ZC3H6: variants seen among roughly 807,000 people sequenced by gnomAD.
ZC3H6 encodes the protein zinc finger CCCH-type containing 6, also known as zinc finger CCCH domain-containing protein 6.
In ZC3H6, 40 loss-of-function variants were observed where a neutral mutation model predicts 107.7. The observed-to-expected ratio is 0.37, with a 90% CI of 0.29 to 0.48. The LOEUF (loss-of-function observed/expected upper bound fraction) is 0.48, where lower values mean the gene tolerates loss of function less well. ZC3H6 is among the 20% of genes least tolerant of loss of function. The pLI is 0.98. For synonymous variants in ZC3H6, 493 were observed against 487.9 expected, an observed-to-expected ratio of 1.01 and a Z score of -0.14; for missense variants, 1,267 against 1,410.4, an observed-to-expected ratio of 0.90 and a Z score of 1.63.
intron 5 of ZC3H6, among the ~76,000 whole-genome samples, chr2:112,315,957 T>C (rs1676688306): frequency 1.3e-5 from 2 of 152,202 alleles, no homozygotes; most frequent in African/African-American, 4.8e-5. Flanking sequence ...AAGTGTATCA[T>C]AATATATTTG....
In ZC3H6 at chr2:112,309,965, G is replaced by C. The variant is rs576103507; in HGVS notation, c.417G>C (p.Glu139Asp). 1.2e-5 allele frequency: 20 copies of C among 1,611,852 alleles called. No homozygotes were observed. The African/African-American group carries it at 2.1e-4, about 17-fold the overall frequency. ...NKKFKSKEYD[E>D]YSTYSDDNFG... is the part of the protein sequence containing the mutation. Reference sequence around the variant, plus strand: ...AATTTAAAAGTAAAGAATATGATGAGTACAGCACCTACAGTGATGACAACT... The same window carrying C: ...AATTTAAAAGTAAAGAATATGATGACTACAGCACCTACAGTGATGACAACT... Residue 139 changes from glutamate (E) to aspartate (D), a missense_variant, in exon 4 of 12, where the codon GAG (glutamate) becomes GAC (aspartate). Physicochemically the swap from Glu to Asp is conservative, Grantham distance 45. Around this residue, in one of 3 missense-constraint regions of ZC3H6, gnomAD observed 337 missense variants for 361.2 expected, o/e 0.93. Coordinates refer to ENST00000409871, the MANE Select transcript of ZC3H6 (RefSeq NM_198581.3).
chr2:112,287,953 T>C (rs1290589096), intron 1 of ZC3H6, among the ~76,000 whole-genome samples: 1 of 152,230 alleles, frequency 6.6e-6, no homozygotes, highest in Non-Finnish European at 1.5e-5. Context: ...TGGCATGCCT[T>C]TCTGTTTTAC....
At chr2:112,296,195 T>C (rs796555917) in intron 1 of ZC3H6, among the ~76,000 whole-genome samples, 1 of 152,176 alleles carries the variant, frequency 6.6e-6, no homozygotes, top group South Asian at 2.1e-4. Context: ...CCCCTTTTTT[T>C]GTCACTTGCA....
At position 112,322,771 on chromosome 2, in the gene ZC3H6, A is replaced by G. The variant is rs766256000; in HGVS notation, c.1209A>G (p.Pro403=). 1.9e-6 allele frequency: 3 copies of G among 1,613,940 alleles called. No homozygotes were observed. The highest frequency in any genetic ancestry group is 3.3e-5 in the Admixed American group (2 of 60,012). The change falls in exon 9 of 12, where the codon CCA becomes CCG. Residue 403 remains proline, a synonymous_variant. Transcript: ENST00000409871. ...PPGVGLLPTP[P]EHFPFSDPED... ...GGGTTGGGCTTCTGCCAACCCCTCC[A>G]GAGCATTTTCCCTTTTCTGATCCTG...
chr2:112,299,226 G>A lies in ZC3H6; in HGVS notation c.33-623G>A, dbSNP rs991996700. ...CGGGAGGCGGAGCTTGCAGTGAGCC[G>A]AGATGGTGCCACTGCACTCCAGCCT... On this transcript the variant is annotated intron_variant, in intron 1 of 11. Coordinates refer to ENST00000409871, the MANE Select transcript of ZC3H6 (RefSeq NM_198581.3). 3.3e-5 allele frequency among the ~76,000 whole-genome samples: 5 copies of A among 149,598 alleles called. No individual in the cohort carries two copies. In the East Asian group the frequency reaches 5.9e-4, roughly 18 times the overall value.
chr2:112,287,297 A>T (rs1394995455), intron 1 of ZC3H6, among the ~76,000 whole-genome samples: 1 of 152,168 alleles, frequency 6.6e-6, no homozygotes, highest in Non-Finnish European at 1.5e-5. Flanking sequence ...TCTAGCTTAG[A>T]TACCCAAGAG....
intron 3 of ZC3H6, among the ~76,000 whole-genome samples, chr2:112,304,708 A>G (rs2104708550): frequency 1.3e-5 from 2 of 152,306 alleles, no homozygotes; most frequent in Admixed American, 1.3e-4. Context: ...ACTAGGAAGT[A>G]TTTGGATCAG....
At chr2:112,321,111 A>G (rs1488576468) in intron 7 of ZC3H6, among the ~76,000 whole-genome samples, 3 of 152,048 alleles carry the variant, frequency 2.0e-5, no homozygotes, top group Admixed American at 1.3e-4. Context: ...CTGAACATAC[A>G]TCACCTGAGA....
intron 1 of ZC3H6, among the ~76,000 whole-genome samples, chr2:112,276,944 C>T (rs937102421): frequency 1.3e-5 from 2 of 152,132 alleles, no homozygotes; most frequent in African/African-American, 2.4e-5. Flanking sequence ...CACAATTACT[C>T]CTTTGTGAAT....
chr2:112,329,642 T>C (rs1018317211), intron 11 of ZC3H6, among the ~76,000 whole-genome samples: 3 of 152,228 alleles, frequency 2.0e-5, no homozygotes, highest in Non-Finnish European at 4.4e-5. Flanking sequence ...CCTGTAACAC[T>C]AAAGTTCCAT....
intron 1 of ZC3H6, among the ~76,000 whole-genome samples, chr2:112,298,636 C>T (rs1021747943): frequency 2.0e-5 from 3 of 152,180 alleles, no homozygotes; most frequent in Non-Finnish European, 2.9e-5. Context: ...GCCGAGTTAT[C>T]GGCAAGCAAT....
chr2:112,322,527 C>T (rs1383372419), intron 8 of ZC3H6, 122 bp from the exon 9 acceptor site: 1 of 1,112,766 alleles, frequency 9.0e-7, no homozygotes, highest in African/African-American at 1.6e-5. Context: ...AGGCGTGAGC[C>T]ACTGCGACCA....
intron 1 of ZC3H6, chr2:112,286,231 TC>T (rs1213615675): frequency 2.6e-6 from 1 of 389,874 alleles, no homozygotes; most frequent in East Asian, 6.8e-5. Context: ...CACTTGCTGA[TC>T]TTGCATAGGT....
intron 1 of ZC3H6, among the ~76,000 whole-genome samples, chr2:112,290,546 T>A (rs1676093149): frequency 6.6e-6 from 1 of 152,270 alleles, no homozygotes; most frequent in Non-Finnish European, 1.5e-5. Context: ...GTCCCAAGAT[T>A]AAAAACTTCA....
At chr2:112,302,361 A>G (rs1676395363) in intron 2 of ZC3H6, among the ~76,000 whole-genome samples, 1 of 152,182 alleles carries the variant, frequency 6.6e-6, no homozygotes, top group Non-Finnish European at 1.5e-5. Flanking sequence ...TAGGAACAAG[A>G]TGGAGGAAAG....
chr2:112,323,244 T>C (rs1676839852), intron 9 of ZC3H6, among the ~76,000 whole-genome samples: 1 of 152,188 alleles, frequency 6.6e-6, no homozygotes. Context: ...TCTCCACATA[T>C]TTGATTATTT....
intron 1 of ZC3H6, among the ~76,000 whole-genome samples, chr2:112,287,187 T>C (rs749003642): frequency 2.0e-5 from 3 of 152,168 alleles, no homozygotes; most frequent in Non-Finnish European, 4.4e-5. Flanking sequence ...AAGGGAATTT[T>C]GTTTTCTGAG....
intron 5 of ZC3H6, among the ~76,000 whole-genome samples, chr2:112,316,024 T>A (rs996909921): frequency 2.0e-5 from 3 of 152,224 alleles, no homozygotes; most frequent in African/African-American, 7.2e-5. Context: ...TTTGTTTTAC[T>A]ATGTCAGTAT....
intron 10 of ZC3H6, 108 bp downstream of exon 10, chr2:112,324,771 A>G (rs1331896216): frequency 3.2e-6 from 4 of 1,236,546 alleles, no homozygotes; most frequent in African/African-American, 1.5e-5. Flanking sequence ...AGTAAAATTG[A>G]TAAGATTGAA....
Sources: allele counts gnomAD v4.1 joint callset (sites outside exome capture counted in the v4.1 genomes callset), GRCh38; gene constraint gnomAD v4.1.1; regional missense constraint gnomAD v4.1.1; transcripts MANE v1.5; gene names NCBI Gene and HGNC (gene_info 2026-07-23, HGNC 2026-07-21).